RABGAP1L: variants seen among roughly 807,000 people sequenced by gnomAD.
The protein encoded by RABGAP1L is rab GTPase-activating protein 1-like.
A neutral mutation model predicts 137.7 loss-of-function variants in RABGAP1L; 63 were observed. That is an observed-to-expected ratio of 0.46 (90% CI 0.37 to 0.56). The LOEUF is 0.56. RABGAP1L is among the 20% of genes least tolerant of loss of function. The probability of loss-of-function intolerance (pLI) is 0.00; values close to 1 mark genes in which losing one functional copy is unlikely to be tolerated. For missense variants in RABGAP1L, 1,095 were observed against 1,244.0 expected (o/e 0.88, Z 1.80); for synonymous variants, 431 against 433.7 (o/e 0.99, Z 0.08).
At chr1:174,252,721 T>C (rs1672811538) in intron 7 of RABGAP1L, 131 bp downstream of exon 7, 2 of 1,338,824 alleles carry the variant, frequency 1.5e-6, no homozygotes, top group Admixed American at 3.8e-5. Context: ...TTAATAATAC[T>C]TTCTCTACTT....
In RABGAP1L at chr1:174,250,652, T is replaced by C; in HGVS notation, c.875+20T>C. The stretch of plus-strand genomic sequence containing the variant: ...CTTTAGGTGAGGCATTTGGAAAGAT[T>C]AAAAATTCGCATTGTATCTGGAGTA... On this transcript the variant is annotated intron_variant, in intron 6 of 25. Transcript: ENST00000681986. 1 of 1,605,992 alleles carries C rather than the reference T, an allele frequency of 6.2e-7. No homozygotes were observed. The highest frequency in any genetic ancestry group is 8.5e-7 in the Non-Finnish European group (1 of 1,175,466).
intron 19 of RABGAP1L, among the ~76,000 whole-genome samples, chr1:174,845,016 G>A (rs1261961200): frequency 0.019 from 2,759 of 145,608 alleles, 34 homozygotes; most frequent in Middle Eastern, 0.082. Context: ...TCATGATTTG[G>A]CTCTCTGTTT....
chr1:174,701,100 C>G, intron 16 of RABGAP1L: 5 of 1,304,112 alleles, frequency 3.8e-6, no homozygotes, highest in Non-Finnish European at 5.1e-6. Context: ...TTTTTGTGGT[C>G]TATTTAGGAA....
chr1:174,453,880 G>A (rs1409285799), intron 13 of RABGAP1L, among the ~76,000 whole-genome samples: 2 of 152,014 alleles, frequency 1.3e-5, no homozygotes, highest in African/African-American at 4.8e-5. Flanking sequence ...TGTCATTAAG[G>A]TTTTTCTTCA....
At chr1:174,445,277 A>G (rs1186113973) in intron 13 of RABGAP1L, among the ~76,000 whole-genome samples, 2 of 152,190 alleles carry the variant, frequency 1.3e-5, no homozygotes, top group African/African-American at 2.4e-5. Context: ...AAGTCAAAAT[A>G]ATCAGAAATG....
At chr1:174,348,250 A>G (rs1682636094) in intron 11 of RABGAP1L, among the ~76,000 whole-genome samples, 1 of 149,914 alleles carries the variant, frequency 6.7e-6, no homozygotes, top group South Asian at 2.1e-4. Flanking sequence ...CTTAACACTG[A>G]TTGCAACAAC....
In RABGAP1L at chr1:174,948,052, T is replaced by G. The variant is rs189893086; in HGVS notation, c.2341-9405T>G. Among the ~76,000 whole-genome samples the G allele has an allele frequency of 2.3e-3, 343 of 152,290 alleles. 2 individuals are homozygous for G. The highest frequency in any genetic ancestry group is 1.9e-3 in the South Asian group (9 of 4,828). ...CTTCTCCCTTTCTAGTGCTTAATGT[T>G]TAGTTCAGTGGTTTTCAGATGGACA... On this transcript the variant is annotated intron_variant, in intron 19 of 25. Transcript: ENST00000681986.
chr1:174,650,252 A>G (rs1011413503), intron 14 of RABGAP1L, among the ~76,000 whole-genome samples: 14 of 152,080 alleles, frequency 9.2e-5, no homozygotes, highest in Middle Eastern at 3.4e-3. Context: ...TTTATTCAGG[A>G]TTTTTGCATC....
intron 14 of RABGAP1L, among the ~76,000 whole-genome samples, chr1:174,648,017 A>C (rs1324401876): frequency 2.6e-5 from 4 of 151,374 alleles, no homozygotes; most frequent in African/African-American, 9.7e-5. Flanking sequence ...GTATTCTCTG[A>C]TAGTTTGTAT....
At chr1:174,679,030 A>T (rs1234629399) in intron 14 of RABGAP1L, among the ~76,000 whole-genome samples, 3 of 152,158 alleles carry the variant, frequency 2.0e-5, no homozygotes, top group Non-Finnish European at 4.4e-5. Flanking sequence ...GAGAGTGAAA[A>T]CAGAGCTCCC....
At chr1:174,471,663 T>C (rs1168441135) in intron 13 of RABGAP1L, among the ~76,000 whole-genome samples, 1 of 152,154 alleles carries the variant, frequency 6.6e-6, no homozygotes, top group African/African-American at 2.4e-5. Flanking sequence ...TGGAGGCCCC[T>C]CCTTGGTGGA....
intron 13 of RABGAP1L, among the ~76,000 whole-genome samples, chr1:174,441,257 A>G (rs1173819180): frequency 6.6e-6 from 1 of 152,146 alleles, no homozygotes; most frequent in East Asian, 1.9e-4. Flanking sequence ...AATGGCAATA[A>G]TAAGATACCT....
chr1:174,440,462 C>G (rs1311360707), intron 13 of RABGAP1L, among the ~76,000 whole-genome samples: 1 of 152,120 alleles, frequency 6.6e-6, no homozygotes, highest in Non-Finnish European at 1.5e-5. Flanking sequence ...AGAAAAGTTA[C>G]CAGGTAGGAG....
intron 19 of RABGAP1L, among the ~76,000 whole-genome samples, chr1:174,950,981 C>G (rs1667615372): frequency 6.6e-6 from 1 of 152,158 alleles, no homozygotes; most frequent in South Asian, 2.1e-4. Context: ...TGAATGATAG[C>G]TCTTACAAGT....
At chr1:174,683,010 G>T (rs1369331406) in intron 14 of RABGAP1L, among the ~76,000 whole-genome samples, 1 of 151,408 alleles carries the variant, frequency 6.6e-6, no homozygotes, top group African/African-American at 2.4e-5. Flanking sequence ...ATGGAAAATG[G>T]CAGGGTAGTT....
At chr1:174,631,914 G>C (rs1572604278) in intron 13 of RABGAP1L, among the ~76,000 whole-genome samples, 2 of 127,346 alleles carry the variant, frequency 1.6e-5, no homozygotes, top group Non-Finnish European at 3.3e-5. Context: ...ATATTGTTAT[G>C]TGTGAATTTG....
intron 18 of RABGAP1L, among the ~76,000 whole-genome samples, chr1:174,765,311 G>A (rs529695062): frequency 9.2e-5 from 14 of 152,110 alleles, no homozygotes; most frequent in South Asian, 2.1e-4. Flanking sequence ...GAATGCGCCC[G>A]ATCTCATCTG....
chr1:174,338,892 A>G (rs1199720047), intron 11 of RABGAP1L, among the ~76,000 whole-genome samples: 1 of 152,170 alleles, frequency 6.6e-6, no homozygotes, highest in African/African-American at 2.4e-5. Flanking sequence ...ATAAAAAAAG[A>G]AGAAAAGTGT....
chr1:174,611,985 A>G (rs1183377151), intron 13 of RABGAP1L, among the ~76,000 whole-genome samples: 2 of 152,220 alleles, frequency 1.3e-5, no homozygotes, highest in Non-Finnish European at 2.9e-5. Context: ...TAGATATACA[A>G]TCATGTCATC....
Sources: allele counts gnomAD v4.1 joint callset (sites outside exome capture counted in the v4.1 genomes callset), GRCh38; gene constraint gnomAD v4.1.1; transcripts MANE v1.5; gene names NCBI Gene and HGNC (gene_info 2026-07-23, HGNC 2026-07-21).